TINAG: variants seen among roughly 807,000 people sequenced by gnomAD.
The protein encoded by TINAG is tubulointerstitial nephritis antigen.
TINAG carries 83 observed loss-of-function variants against 72.7 expected under a neutral mutation model. The ratio of observed to expected loss-of-function variants is 1.14; its 90% CI spans 0.96 to 1.37. The LOEUF is 1.37. Ranked by LOEUF, TINAG falls within the 40% of genes most tolerant of loss-of-function variation. TINAG has a pLI of 0.00. For missense variants in TINAG, 685 were observed against 576.6 expected (o/e 1.19, Z -1.93); for synonymous variants, 234 against 189.9 (o/e 1.23, Z -1.91).
At chr6:54,312,404 T>C (rs775596900) in intron 1 of TINAG, among the ~76,000 whole-genome samples, 34 of 152,268 alleles carry the variant, frequency 2.2e-4, no homozygotes, top group Admixed American at 2.0e-4. Context: ...TTTTCTCAAT[T>C]CTGTTATTAG....
At chr6:54,371,150 GAA>G (rs1010905731) in intron 9 of TINAG, among the ~76,000 whole-genome samples, 3 of 134,676 alleles carry the variant, frequency 2.2e-5, no homozygotes, top group Non-Finnish European at 3.2e-5. Context: ...CAGAGAGAGA[GAA>G]AGAACTTTTT....
chr6:54,352,476 A>G (rs1785289436), intron 8 of TINAG, among the ~76,000 whole-genome samples: 1 of 151,818 alleles, frequency 6.6e-6, no homozygotes, highest in Non-Finnish European at 1.5e-5. Context: ...AATGAAGAGA[A>G]ATTTTCTGTT....
chr6:54,381,195 T>C (rs1044259314), intron 10 of TINAG, among the ~76,000 whole-genome samples: 1 of 150,004 alleles, frequency 6.7e-6, no homozygotes, highest in Non-Finnish European at 1.5e-5. Flanking sequence ...TTGCCAAATA[T>C]AACATATGCA....
At chr6:54,327,493 G>A (rs1378817118) in intron 4 of TINAG, among the ~76,000 whole-genome samples, 4 of 152,144 alleles carry the variant, frequency 2.6e-5, no homozygotes, top group Non-Finnish European at 5.9e-5. Flanking sequence ...TACACTACCA[G>A]GACCCTGGGT....
chr6:54,340,259 A>G (rs1173776626), intron 4 of TINAG, among the ~76,000 whole-genome samples: 2 of 152,154 alleles, frequency 1.3e-5, no homozygotes, highest in East Asian at 3.9e-4. Flanking sequence ...CAACATTACA[A>G]TGAAAAGAAT....
chr6:54,357,425 AT>A (rs1763086920), intron 9 of TINAG, among the ~76,000 whole-genome samples: 1 of 151,898 alleles, frequency 6.6e-6, no homozygotes, highest in African/African-American at 2.4e-5. Flanking sequence ...CATACATTCT[AT>A]GACCTATTTG....
intron 1 of TINAG, among the ~76,000 whole-genome samples, chr6:54,318,441 T>C (rs1056338232): frequency 6.6e-6 from 1 of 152,110 alleles, no homozygotes; most frequent in Non-Finnish European, 1.5e-5. Context: ...TTCACCAGAT[T>C]CAATCCATGA....
chr6:54,369,861 T>C (rs1007632488), intron 9 of TINAG: 6 of 151,990 alleles, frequency 3.9e-5, no homozygotes, highest in African/African-American at 1.2e-4. Context: ...CTACCCCAAA[T>C]AGCTTTAGGT....
intron 5 of TINAG, 31 bp from the exon 6 acceptor site, chr6:54,347,336 T>C (rs745929189): frequency 6.2e-7 from 1 of 1,609,128 alleles, no homozygotes; most frequent in Admixed American, 1.7e-5. Context: ...GTGTATCATT[T>C]CAATATTAAT....
chr6:54,308,356 A>G, upstream of TINAG: 1 of 635,936 alleles, frequency 1.6e-6, no homozygotes, highest in Non-Finnish European at 2.7e-6. Context: ...TTTCTAACAT[A>G]CATTATCTTG....
At chr6:54,355,435 T>C (rs1239034660) in intron 9 of TINAG, among the ~76,000 whole-genome samples, 1 of 151,932 alleles carries the variant, frequency 6.6e-6, no homozygotes, top group East Asian at 1.9e-4. Flanking sequence ...AATCAAATTG[T>C]TGTCTTCTCC....
At chr6:54,340,491 A>C (rs1162364401) in intron 4 of TINAG, among the ~76,000 whole-genome samples, 1 of 152,016 alleles carries the variant, frequency 6.6e-6, no homozygotes, top group Non-Finnish European at 1.5e-5. Flanking sequence ...GCTTACCTTT[A>C]TTTATAAACT....
At chr6:54,331,536 C>T (rs966510388) in intron 4 of TINAG, among the ~76,000 whole-genome samples, 2 of 152,090 alleles carry the variant, frequency 1.3e-5, no homozygotes, top group Non-Finnish European at 2.9e-5. Context: ...CTTTTCCCTT[C>T]GAAAACTGGC....
intron 4 of TINAG, among the ~76,000 whole-genome samples, chr6:54,332,020 A>G (rs1388548995): frequency 3.3e-5 from 5 of 152,328 alleles, no homozygotes; most frequent in African/African-American, 1.2e-4. Context: ...AAGAATCAAC[A>G]TTGTGAAAAT....
At chr6:54,378,478 A>G (rs537516598) in intron 9 of TINAG, among the ~76,000 whole-genome samples, 1 of 152,290 alleles carries the variant, frequency 6.6e-6, no homozygotes, top group East Asian at 1.9e-4. Flanking sequence ...AACTCTAAAG[A>G]GCTGAAAGAT....
intron 4 of TINAG, among the ~76,000 whole-genome samples, chr6:54,330,678 G>T (rs764824785): frequency 8.6e-5 from 13 of 152,022 alleles, no homozygotes; most frequent in Non-Finnish European, 1.5e-4. Context: ...CTGGTTTTTT[G>T]AAAAGATTAA....
intron 1 of TINAG, among the ~76,000 whole-genome samples, chr6:54,318,551 A>T (rs1365810063): frequency 6.6e-6 from 1 of 152,128 alleles, no homozygotes; most frequent in Non-Finnish European, 1.5e-5. Context: ...CCTCCACCCT[A>T]GTCAGCTCAA....
rs1418875633 is a variant in TINAG at position 54,389,801 on chromosome 6, A to G, written c.1307A>G (p.Asn436Ser). 1.3e-6 allele frequency: 2 copies of G among 1,582,068 alleles called. No homozygotes were observed. Among genetic ancestry groups the G allele is most frequent in the Non-Finnish European group, 1.7e-6 (2 of 1,168,752 alleles). Residue 436 changes from asparagine (N) to serine (S), a missense_variant, in exon 11 of 11, where the codon AAT becomes AGT. By Grantham distance (46) the Asn-to-Ser change is conservative (BLOSUM62 1). Transcript: ENST00000259782. ...GQKEKFWIAA[N>S]SWGKSWGENG... ...TTTGTTTTTCTGCAGATTGCTGCCA[A>G]TTCCTGGGGAAAGTCATGGGGAGAG...
chr6:54,372,649 A>T (rs1354128326), intron 9 of TINAG, among the ~76,000 whole-genome samples: 1 of 151,212 alleles, frequency 6.6e-6, no homozygotes, highest in African/African-American at 2.4e-5. Context: ...CTGTATATGC[A>T]TGTGATATGA....
Sources: gnomAD v4.1 joint callset for allele counts (sites outside exome capture counted in the v4.1 genomes callset) on GRCh38, gnomAD v4.1.1 for gene constraint, MANE v1.5 for transcripts, NCBI Gene and HGNC (gene_info 2026-07-23, HGNC 2026-07-21) for gene names.